ACAA2: variants seen among roughly 807,000 people sequenced by gnomAD.
ACAA2 encodes acetyl-CoA acyltransferase 2.
Under a neutral mutation model 44.8 loss-of-function variants are expected in ACAA2, and 35 were observed. That is an observed-to-expected ratio of 0.78 (90% CI 0.60 to 1.04). ACAA2 has a LOEUF of 1.04. ACAA2 is among the 50% of genes least tolerant of loss of function. ACAA2 has a pLI of 0.00. For missense variants in ACAA2, 468 were observed against 482.6 expected, an observed-to-expected ratio of 0.97 and a Z score of 0.28; for synonymous variants, 142 against 166.5, an observed-to-expected ratio of 0.85 and a Z score of 1.13.
Position 49,794,371 on chromosome 18 carries a change from T to C in ACAA2, c.486A>G (p.Ala162=), listed in dbSNP as rs2143958694. 1 of 1,611,392 alleles carries C rather than the reference T, an allele frequency of 6.2e-7. No homozygotes were observed. The highest frequency in any genetic ancestry group is 2.0e-4 in the Middle Eastern group (1 of 5,070). ...TTACAGCAAGATTCTCTGCAGTCAT[T>C]GCCATGGGGAGCTGGACATGCTGAT... ...LTDQHVQLPM[A]MTAENLAVKH... is the part of the protein sequence containing the mutation. Residue 162 remains alanine, a synonymous_variant, in exon 5 of 10, where the codon GCA becomes GCG. Transcript: ENST00000285093.
chr18:49,799,863 G>A (rs12966881), intron 2 of ACAA2, among the ~76,000 whole-genome samples: 2 of 26,010 alleles, frequency 7.7e-5, no homozygotes, highest in African/African-American at 1.5e-4. Flanking sequence ...GCCTCTGCCC[G>A]GCCGCGACCC....
chr18:49,801,841 C>T (rs1326449974), intron 2 of ACAA2, among the ~76,000 whole-genome samples: 3 of 132,204 alleles, frequency 2.3e-5, no homozygotes, highest in African/African-American at 5.7e-5. Flanking sequence ...AGATTATTAC[C>T]TCCTTTTGGT....
Position 49,791,567 on chromosome 18 carries a change from TATG to T in ACAA2, c.783_785del (p.Ile262del). ...GTTTCTTAACAGCATCTTCACTAGC[TATG>T]ATAACAGCTCCAGCACCATCAGCTA... is the stretch of plus-strand genomic sequence containing the variant. On this transcript the variant is annotated inframe_deletion, in exon 7 of 10. Coordinates refer to ENST00000285093, the MANE Select transcript of ACAA2 (RefSeq NM_006111.3). The T allele has an allele frequency of 6.2e-7, 1 of 1,613,526 alleles. No individual in the cohort carries two copies. Among genetic ancestry groups the T allele is most frequent in the East Asian group, 2.2e-5 (1 of 44,856 alleles).
intron 1 of ACAA2, among the ~76,000 whole-genome samples, chr18:49,805,443 C>T (rs562274223): frequency 1.6e-4 from 25 of 152,284 alleles, no homozygotes; most frequent in Admixed American, 8.5e-4. Flanking sequence ...AAATACTAGT[C>T]GAGTGCATTA....
At chr18:49,794,223 A>C (rs1568586849) in intron 5 of ACAA2, 57 bp downstream of exon 5, 1 of 1,285,802 alleles carries the variant, frequency 7.8e-7, no homozygotes, top group African/African-American at 1.5e-5. Context: ...GAAATGATGA[A>C]AATATTTCCT....
chr18:49,790,685 G>C (rs1025237667), intron 7 of ACAA2, among the ~76,000 whole-genome samples: 2 of 152,138 alleles, frequency 1.3e-5, no homozygotes, highest in Non-Finnish European at 2.9e-5. Flanking sequence ...ATTCAGCATC[G>C]TGTGTGGTTC....
intron 5 of ACAA2, among the ~76,000 whole-genome samples, chr18:49,792,591 C>T (rs1347757321): frequency 2.6e-5 from 4 of 152,040 alleles, no homozygotes; most frequent in Non-Finnish European, 4.4e-5. Context: ...ATTATAGGTG[C>T]CCACCACCAT....
In ACAA2 at chr18:49,792,152, C is replaced by T. The variant is rs199817176; in HGVS notation, c.753G>A (p.Ser251=). 215 of 1,611,560 alleles carry T rather than the reference C, an allele frequency of 1.3e-4. No homozygotes were observed. Among genetic ancestry groups the T allele is most frequent in the Middle Eastern group, 3.3e-4 (2 of 6,050 alleles). The change falls in exon 6 of 10, where the codon TCG becomes TCA. Residue 251 remains serine, a splice_region_variant and synonymous_variant. Transcript: ENST00000285093. ...KDGTVTAGNA[S]GVADGAGAVI... is the part of the protein sequence containing the mutation. ...AGCTAATCTGTGTGGTGATACCAACCGATGCATTCCCTGCAGTAACAGTTC... is the reference window on the plus strand; with the variant it reads ...AGCTAATCTGTGTGGTGATACCAACTGATGCATTCCCTGCAGTAACAGTTC...
At chr18:49,791,359 T>C (rs1293110905) in intron 7 of ACAA2, 111 bp downstream of exon 7, 11 of 983,922 alleles carry the variant, frequency 1.1e-5, no homozygotes, top group Non-Finnish European at 1.5e-5. Flanking sequence ...TTACCAATCT[T>C]CTTTTCTCTA....
At chr18:49,798,669 T>C (rs2023493026) in intron 2 of ACAA2, among the ~76,000 whole-genome samples, 1 of 152,180 alleles carries the variant, frequency 6.6e-6, no homozygotes, top group Non-Finnish European at 1.5e-5. Flanking sequence ...ATTCGGCACA[T>C]TTATAAGTTA....
In ACAA2 at chr18:49,796,578, C is replaced by T. The variant is rs553915528; in HGVS notation, c.313-697G>A. Among the ~76,000 whole-genome samples, 18 of 152,296 alleles carry T rather than the reference C, an allele frequency of 1.2e-4. No homozygotes were observed. The South Asian group carries it at 3.5e-3, about 30-fold the overall frequency. On this transcript the variant is annotated intron_variant, in intron 3 of 9. Coordinates refer to ENST00000285093, the MANE Select transcript of ACAA2 (RefSeq NM_006111.3). ...ATTGGATTTCACTTTCTTCTCTGTGCTCAAAGAAACAAATGTATTTAACCA... is the reference window on the plus strand; with the variant it reads ...ATTGGATTTCACTTTCTTCTCTGTGTTCAAAGAAACAAATGTATTTAACCA...
At chr18:49,787,386 T>G in intron 7 of ACAA2, 25 bp from the exon 8 acceptor site, 3 of 1,341,138 alleles carry the variant, frequency 2.2e-6, no homozygotes, top group Non-Finnish European at 1.9e-6. Context: ...AAATCTTCTA[T>G]AAAAATATAG....
At chr18:49,784,289 A>C (rs2023301425) in intron 9 of ACAA2, among the ~76,000 whole-genome samples, 1 of 152,146 alleles carries the variant, frequency 6.6e-6, no homozygotes, top group South Asian at 2.1e-4. Flanking sequence ...GATAAATGGG[A>C]AGCTGGGGAA....
rs749813799 is a variant in ACAA2, at chr18:49,795,754, A to G, written c.429+11T>C. The G allele has an allele frequency of 2.6e-6, 4 of 1,513,984 alleles. No individual in the cohort carries two copies. Among genetic ancestry groups the G allele is most frequent in the Middle Eastern group, 2.2e-4 (1 of 4,646 alleles). 93.8% of individuals were successfully genotyped at this position (1,513,984 alleles called of 1,614,324 possible). On this transcript the variant is annotated intron_variant, in intron 4 of 9. Transcript: ENST00000285093. ...TAAGAACTAATTCTTTTAAATTTTT[A>G]TGGTTCCAACCTTGATATCTGATCC...
Position 49,783,249 on chromosome 18 carries a change from T to A in ACAA2, c.*598A>T, listed in dbSNP as rs1191534700. 6.6e-6 allele frequency: 1 copy of A among 152,282 alleles called. No individual in the cohort carries two copies. The highest frequency in any genetic ancestry group is 2.4e-5 in the African/African-American group (1 of 41,450). 9.4% of individuals were successfully genotyped at this position (152,282 alleles called of 1,614,324 possible). ...TTCACTTATGAGGTACCTCGAGTCA[T>A]CAAATTTATAGAAACAAAATACACT... On this transcript the variant is annotated 3_prime_UTR_variant, in exon 10 of 10. Transcript: ENST00000285093.
In ACAA2 at chr18:49,783,131, GAC is replaced by G. The variant is rs2023285769; in HGVS notation, c.*714_*715del. The stretch of plus-strand genomic sequence containing the variant: ...CAGCCTTTAAAAAGAAGGAAATTCT[GAC>G]ACATGCTACACCATAAGGTGGATGA... On this transcript the variant is annotated 3_prime_UTR_variant, in exon 10 of 10. Transcript: ENST00000285093. 6.6e-6 allele frequency: 1 copy of G among 152,194 alleles called. No homozygotes were observed. Among genetic ancestry groups the G allele is most frequent in the African/African-American group, 2.4e-5 (1 of 41,442 alleles). 9.4% of individuals were successfully genotyped at this position (152,194 alleles called of 1,614,324 possible).
At chr18:49,811,775 C>T (rs1196184533) in intron 1 of ACAA2, among the ~76,000 whole-genome samples, 3 of 152,110 alleles carry the variant, frequency 2.0e-5, no homozygotes, top group Admixed American at 6.5e-5. Context: ...TTACCTCTCT[C>T]GACATGAGTG....
intron 7 of ACAA2, among the ~76,000 whole-genome samples, chr18:49,790,110 G>A (rs1033546051): frequency 2.6e-5 from 4 of 152,138 alleles, no homozygotes; most frequent in Admixed American, 1.3e-4. Flanking sequence ...AACAACATAC[G>A]GATGTTTAAT....
chr18:49,794,174 C>A, intron 5 of ACAA2, 106 bp downstream of exon 5: 2 of 849,884 alleles, frequency 2.4e-6, no homozygotes, highest in African/African-American at 1.8e-5. Flanking sequence ...TGTAATAATT[C>A]TTAAAGGTAT....
Sources: gnomAD v4.1 joint callset for allele counts (sites outside exome capture counted in the v4.1 genomes callset) on GRCh38, gnomAD v4.1.1 for gene constraint, MANE v1.5 for transcripts, NCBI Gene and HGNC (gene_info 2026-07-23, HGNC 2026-07-21) for gene names.